CAMK1D: variants seen among roughly 807,000 people sequenced by gnomAD.
The protein encoded by CAMK1D is calcium/calmodulin-dependent protein kinase type 1D.
In CAMK1D, 9 loss-of-function variants were observed where a neutral mutation model predicts 47.7. That is an observed-to-expected ratio of 0.19 (90% CI 0.11 to 0.33). CAMK1D has a LOEUF of 0.33. Among genes scored for constraint, CAMK1D ranks in the 10% least tolerant of loss-of-function variants. The pLI, the probability that CAMK1D is intolerant of heterozygous loss-of-function variation, is 1.00. For synonymous variants in CAMK1D, 184 were observed against 184.9 expected, an observed-to-expected ratio of 0.99 and a Z score of 0.04; for missense variants, 291 against 488.7, an observed-to-expected ratio of 0.60 and a Z score of 3.81.
At chr10:12,650,849 AAG>A (rs1257428093) in intron 2 of CAMK1D, among the ~76,000 whole-genome samples, 1 of 152,200 alleles carries the variant, frequency 6.6e-6, no homozygotes, top group Non-Finnish European at 1.5e-5. Flanking sequence ...CAAGGATAAA[AAG>A]AGAGAGGAAA....
At chr10:12,717,248 A>G (rs1252841874) in intron 3 of CAMK1D, among the ~76,000 whole-genome samples, 1 of 152,204 alleles carries the variant, frequency 6.6e-6, no homozygotes, top group Non-Finnish European at 1.5e-5. Flanking sequence ...ACAGTGAACT[A>G]TAAGGGAAAT....
intron 5 of CAMK1D, among the ~76,000 whole-genome samples, chr10:12,770,306 T>G (rs1836981811): frequency 6.6e-6 from 1 of 152,202 alleles, no homozygotes; most frequent in African/African-American, 2.4e-5. Flanking sequence ...AGTTTTTCCT[T>G]AAATCACAAC....
intron 1 of CAMK1D, among the ~76,000 whole-genome samples, chr10:12,480,828 G>C (rs980171013): frequency 6.6e-6 from 1 of 152,188 alleles, no homozygotes; most frequent in African/African-American, 2.4e-5. Context: ...TGGCCACATG[G>C]AAACGTGTAG....
chr10:12,388,711 C>T (rs1349219379), intron 1 of CAMK1D, among the ~76,000 whole-genome samples: 2 of 152,174 alleles, frequency 1.3e-5, no homozygotes. Flanking sequence ...CTGCGGGGCT[C>T]AAAGACAGCT....
intron 4 of CAMK1D, 147 bp downstream of exon 4, chr10:12,761,233 C>T (rs545821486): frequency 2.1e-6 from 2 of 943,266 alleles, no homozygotes; most frequent in African/African-American, 1.6e-5. Flanking sequence ...TTTGAGTTGT[C>T]AGGGCCTTTG....
At chr10:12,783,556 A>G (rs995306159) in intron 5 of CAMK1D, among the ~76,000 whole-genome samples, 1 of 152,128 alleles carries the variant, frequency 6.6e-6, no homozygotes, top group Non-Finnish European at 1.5e-5. Flanking sequence ...GGAAAGGGAA[A>G]ATTCTTTTCT....
chr10:12,763,740 G>A (rs1445023075), intron 4 of CAMK1D, among the ~76,000 whole-genome samples: 1 of 152,246 alleles, frequency 6.6e-6, no homozygotes, highest in East Asian at 1.9e-4. Flanking sequence ...AACGTTACCA[G>A]AAGTGTGTTG....
In CAMK1D at chr10:12,649,554, A is replaced by G. The variant is rs1236179869; in HGVS notation, c.225-17182A>G. Among the ~76,000 whole-genome samples, 3 of 152,226 alleles carry G rather than the reference A, an allele frequency of 2.0e-5. No individual in the cohort carries two copies. The East Asian group carries it at 5.8e-4, about 29-fold the overall frequency. ...TTCTGAAGACACAGGTATTCAGTCAATGGTATTCTAATTCTGGAGATATAG... is the reference window on the plus strand; with the variant it reads ...TTCTGAAGACACAGGTATTCAGTCAGTGGTATTCTAATTCTGGAGATATAG... On this transcript the variant is annotated intron_variant, in intron 2 of 10. Coordinates refer to ENST00000619168, the MANE Select transcript of CAMK1D (RefSeq NM_153498.4).
At chr10:12,814,877 C>T (rs73578031) in intron 7 of CAMK1D, among the ~76,000 whole-genome samples, 4 of 152,178 alleles carry the variant, frequency 2.6e-5, no homozygotes, top group Admixed American at 6.5e-5. Flanking sequence ...ACATCTGGCT[C>T]GAGCCACGCT....
At chr10:12,365,956 T>G (rs1837820705) in intron 1 of CAMK1D, among the ~76,000 whole-genome samples, 1 of 152,190 alleles carries the variant, frequency 6.6e-6, no homozygotes, top group Admixed American at 6.5e-5. Flanking sequence ...CTCGGGAGGC[T>G]GAGGTGGGAG....
chr10:12,720,779 C>T (rs1053073828), intron 3 of CAMK1D, among the ~76,000 whole-genome samples: 13 of 152,184 alleles, frequency 8.5e-5, no homozygotes, highest in East Asian at 1.9e-4. Flanking sequence ...TTCCTCTCCA[C>T]GGTAAGGAGA....
chr10:12,795,674 G>T (rs1014813176), intron 6 of CAMK1D, among the ~76,000 whole-genome samples: 3 of 152,202 alleles, frequency 2.0e-5, no homozygotes, highest in Non-Finnish European at 4.4e-5. Flanking sequence ...CCTCTTGCAC[G>T]CCATATAAAC....
chr10:12,665,189 T>G (rs528992691), intron 2 of CAMK1D, among the ~76,000 whole-genome samples: 4 of 152,212 alleles, frequency 2.6e-5, no homozygotes, highest in Non-Finnish European at 5.9e-5. Flanking sequence ...GAAGGTGAAT[T>G]TAGTATAATC....
At position 12,603,906 on chromosome 10, in the gene CAMK1D, C is replaced by T. The variant is rs535779841; in HGVS notation, c.224+50550C>T. ...ATTACATCTTACCATTCCTTAGAAA[C>T]GCTGTGTACCCAGAGGTCTCTGGGA... On this transcript the variant is annotated intron_variant, in intron 2 of 10. Coordinates refer to ENST00000619168, the MANE Select transcript of CAMK1D (RefSeq NM_153498.4). Among the ~76,000 whole-genome samples, 45 of 152,272 alleles carry T rather than the reference C, an allele frequency of 3.0e-4. No individual in the cohort carries two copies. The South Asian group carries it at 8.7e-3, about 29-fold the overall frequency.
intron 2 of CAMK1D, among the ~76,000 whole-genome samples, chr10:12,572,217 A>G (rs1837350520): frequency 6.6e-6 from 1 of 152,126 alleles, no homozygotes; most frequent in African/African-American, 2.4e-5. Flanking sequence ...GTGTCAAGGG[A>G]GGGACCTGGT....
chr10:12,562,602 A>G (rs1836980298), intron 2 of CAMK1D, among the ~76,000 whole-genome samples: 1 of 151,906 alleles, frequency 6.6e-6, no homozygotes, highest in Admixed American at 6.5e-5. Context: ...CCCTCACCCC[A>G]TGTTTCAGTT....
chr10:12,461,770 T>C (rs1429915343), intron 1 of CAMK1D, among the ~76,000 whole-genome samples: 1 of 151,790 alleles, frequency 6.6e-6, no homozygotes, highest in African/African-American at 2.4e-5. Flanking sequence ...TTCACAGTTA[T>C]TTTTAGGTGT....
chr10:12,474,062 A>G lies in CAMK1D; in HGVS notation c.93-79163A>G, dbSNP rs183903058. Reference sequence around the variant, plus strand: ...TAGAGTCCCCTTGGACTTCCTTTTTACTTCTGGGTCCAGTGGGAGGCTGGT... The same window carrying G: ...TAGAGTCCCCTTGGACTTCCTTTTTGCTTCTGGGTCCAGTGGGAGGCTGGT... On this transcript the variant is annotated intron_variant, in intron 1 of 10. Transcript: ENST00000619168. Among the ~76,000 whole-genome samples, 26 of 152,232 alleles carry G rather than the reference A, an allele frequency of 1.7e-4. No homozygotes were observed. In the South Asian group the frequency reaches 3.9e-3, roughly 23 times the overall value.
intron 3 of CAMK1D, among the ~76,000 whole-genome samples, chr10:12,714,909 A>G (rs569060999): frequency 1.3e-5 from 2 of 152,146 alleles, no homozygotes; most frequent in East Asian, 3.9e-4. Context: ...TAGAATGTGT[A>G]ATGATCAAGT....
Sources: allele counts gnomAD v4.1 joint callset (sites outside exome capture counted in the v4.1 genomes callset), GRCh38; gene constraint gnomAD v4.1.1; transcripts MANE v1.5; gene names NCBI Gene and HGNC (gene_info 2026-07-23, HGNC 2026-07-21).